The following SUPT3H variants were observed in gnomAD, a reference collection of about 807,000 sequenced individuals.
SUPT3H encodes transcription initiation protein SPT3 homolog.
In SUPT3H, 44 loss-of-function variants were observed where a neutral mutation model predicts 44.3. That is an observed-to-expected ratio of 0.99 (90% confidence interval 0.78 to 1.28). The LOEUF (loss-of-function observed/expected upper bound fraction) is 1.28, where lower values mean the gene tolerates loss of function less well. Among genes scored for constraint, SUPT3H ranks in the 50% most tolerant of loss-of-function variants. SUPT3H has a pLI of 0.00. For synonymous variants in SUPT3H, 124 were observed against 125.6 expected (o/e 0.99, Z 0.09); for missense variants, 380 against 387.1 (o/e 0.98, Z 0.15).
At chr6:45,354,980 G>C (rs1792854988) in intron 2 of SUPT3H, among the ~76,000 whole-genome samples, 2 of 151,994 alleles carry the variant, frequency 1.3e-5, no homozygotes, top group South Asian at 4.1e-4. Context: ...ATAGCACTTT[G>C]AGGTTTTTTT....
chr6:45,009,026 T>A (rs1583027049), intron 5 of SUPT3H, among the ~76,000 whole-genome samples: 1 of 152,124 alleles, frequency 6.6e-6, no homozygotes, highest in Non-Finnish European at 1.5e-5. Context: ...TTTATAGGCA[T>A]GATTTTTAAG....
At chr6:45,149,796 T>C (rs2153595251) in intron 2 of SUPT3H, among the ~76,000 whole-genome samples, 1 of 152,318 alleles carries the variant, frequency 6.6e-6, no homozygotes, top group Non-Finnish European at 1.5e-5. Context: ...ATGTTTAGTA[T>C]TAAATAGCTA....
chr6:45,340,474 C>A lies in SUPT3H; in HGVS notation c.101+24727G>T, dbSNP rs148313201. On this transcript the variant is annotated intron_variant, in intron 2 of 10. Transcript: ENST00000371459. ...AGGTAGCTTGGACTACAGGCACGCA[C>A]CACCACGCCCAGATAATTTTGTAAT... 2.8e-4 allele frequency among the ~76,000 whole-genome samples: 42 copies of A among 152,006 alleles called. No homozygotes were observed. The South Asian group carries it at 4.2e-3, about 15-fold the overall frequency.
chr6:45,150,244 C>T (rs1188707605), intron 2 of SUPT3H, among the ~76,000 whole-genome samples: 4 of 151,868 alleles, frequency 2.6e-5, no homozygotes, highest in Non-Finnish European at 4.4e-5. Context: ...TTATTTGTTC[C>T]TTTTTTTACT....
At chr6:45,119,799 G>A (rs985063749) in intron 2 of SUPT3H, among the ~76,000 whole-genome samples, 1 of 151,836 alleles carries the variant, frequency 6.6e-6, no homozygotes, top group Non-Finnish European at 1.5e-5. Flanking sequence ...TATGCATTTG[G>A]GGCCAAGTAA....
chr6:45,070,042 T>A (rs1583380708), intron 3 of SUPT3H, among the ~76,000 whole-genome samples: 1 of 152,160 alleles, frequency 6.6e-6, no homozygotes. Context: ...ATGCCAGGTA[T>A]GAATATATCA....
At chr6:45,031,150 C>T (rs576423843) in intron 3 of SUPT3H, among the ~76,000 whole-genome samples, 2 of 152,084 alleles carry the variant, frequency 1.3e-5, no homozygotes, top group African/African-American at 2.4e-5. Flanking sequence ...ATGTTATTGA[C>T]ATTTATTTAG....
intron 10 of SUPT3H, among the ~76,000 whole-genome samples, chr6:44,869,498 G>A (rs1196827651): frequency 2.7e-5 from 4 of 150,502 alleles, no homozygotes; most frequent in East Asian, 3.9e-4. Context: ...AAATCAGCAC[G>A]TATGTAGGTA....
rs137985540 is a variant in SUPT3H, at chr6:44,834,218, G to A, written c.913-4361C>T. ...ATTAACAGGACCCAATAATGGTTTC[G>A]TCAATAAATGGAACATTTTCAGAAT... is the stretch of plus-strand genomic sequence containing the variant. On this transcript the variant is annotated intron_variant, in intron 10 of 10. Transcript: ENST00000371459. Among the ~76,000 whole-genome samples the A allele has an allele frequency of 1.9e-3, 291 of 152,234 alleles. 1 individual carries two copies. The highest frequency in any genetic ancestry group is 6.3e-3 in the African/African-American group (262 of 41,534).
At chr6:45,289,687 A>G (rs1779987381) in intron 2 of SUPT3H, among the ~76,000 whole-genome samples, 1 of 152,162 alleles carries the variant, frequency 6.6e-6, no homozygotes, top group Admixed American at 6.5e-5. Flanking sequence ...AGTTCCTCAA[A>G]AAGGAATAAG....
chr6:45,077,501 C>G (rs943622139), intron 3 of SUPT3H, among the ~76,000 whole-genome samples: 2 of 151,738 alleles, frequency 1.3e-5, no homozygotes, highest in Non-Finnish European at 2.9e-5. Context: ...GTGGCCTGTG[C>G]CTATAGTCCC....
chr6:45,283,002 G>A (rs1778456032), intron 2 of SUPT3H, among the ~76,000 whole-genome samples: 1 of 152,092 alleles, frequency 6.6e-6, no homozygotes, highest in South Asian at 2.1e-4. Context: ...ATAAGTGAAG[G>A]AGAAATAAAA....
intron 5 of SUPT3H, among the ~76,000 whole-genome samples, chr6:45,013,624 A>G (rs1783812266): frequency 6.6e-6 from 1 of 152,078 alleles, no homozygotes; most frequent in Non-Finnish European, 1.5e-5. Context: ...CAGTATTCTC[A>G]GACTACCATG....
At chr6:45,295,154 T>C (rs72860103) in intron 2 of SUPT3H, among the ~76,000 whole-genome samples, 2,454 of 152,098 alleles carry the variant, frequency 0.016, 39 homozygotes, top group South Asian at 0.033. Context: ...AACAGGCACA[T>C]AGACCAATGG....
At chr6:45,024,083 T>C (rs774238510) in intron 3 of SUPT3H, among the ~76,000 whole-genome samples, 2 of 152,160 alleles carry the variant, frequency 1.3e-5, no homozygotes, top group African/African-American at 4.8e-5. Context: ...AGTTATAGCA[T>C]TTCTGTTTTT....
At chr6:44,837,736 CTG>C (rs913449304) in intron 10 of SUPT3H, among the ~76,000 whole-genome samples, 45 of 152,280 alleles carry the variant, frequency 3.0e-4, no homozygotes, top group African/African-American at 1.1e-3. Context: ...TAAAACAACA[CTG>C]TGAAATTATT....
intron 2 of SUPT3H, among the ~76,000 whole-genome samples, chr6:45,272,574 C>T (rs1434781536): frequency 6.6e-6 from 1 of 152,028 alleles, no homozygotes. Flanking sequence ...AATACATTGA[C>T]CTTTAAAGAC....
intron 4 of SUPT3H, among the ~76,000 whole-genome samples, chr6:45,019,232 G>C (rs180950347): frequency 0.014 from 2,197 of 151,924 alleles, 23 homozygotes; most frequent in South Asian, 0.025. Flanking sequence ...TTTGATTCTT[G>C]TCTCTTTTTT....
chr6:45,357,137 G>A (rs1793358728), intron 2 of SUPT3H, among the ~76,000 whole-genome samples: 1 of 152,090 alleles, frequency 6.6e-6, no homozygotes, highest in South Asian at 2.1e-4. Context: ...CTCCAGAGTA[G>A]CTGGGACTAC....
Sources: allele counts gnomAD v4.1 joint callset (sites outside exome capture counted in the v4.1 genomes callset), GRCh38; gene constraint gnomAD v4.1.1; transcripts MANE v1.5; gene names NCBI Gene and HGNC (gene_info 2026-07-23, HGNC 2026-07-21).